The following CCDC60 variants were observed in gnomAD, a reference collection of about 807,000 sequenced individuals.
The protein encoded by CCDC60 is coiled-coil domain-containing protein 60.
Under a neutral mutation model 63.5 loss-of-function variants are expected in CCDC60, and 54 were observed. The ratio of observed to expected loss-of-function variants is 0.85; its 90% CI spans 0.68 to 1.07. The LOEUF (loss-of-function observed/expected upper bound fraction) is 1.07, where lower values mean the gene tolerates loss of function less well. Among genes scored for constraint, CCDC60 ranks in the 50% least tolerant of loss-of-function variants. CCDC60 has a pLI of 0.00. For missense variants in CCDC60, 651 were observed against 684.3 expected, an observed-to-expected ratio of 0.95 and a Z score of 0.54; for synonymous variants, 206 against 238.8, an observed-to-expected ratio of 0.86 and a Z score of 1.27.
At chr12:119,462,895 C>T (rs1247555607) in intron 2 of CCDC60, among the ~76,000 whole-genome samples, 1 of 152,014 alleles carries the variant, frequency 6.6e-6, no homozygotes, top group Non-Finnish European at 1.5e-5. Flanking sequence ...GCGATGTCAG[C>T]TCTCTACAAC....
chr12:119,412,261 C>T (rs1273009260), intron 1 of CCDC60, among the ~76,000 whole-genome samples: 2 of 151,156 alleles, frequency 1.3e-5, no homozygotes, highest in African/African-American at 4.9e-5. Context: ...TCTGCTTCTG[C>T]TCTTCACATT....
chr12:119,424,939 TC>T (rs1319149715), intron 1 of CCDC60, among the ~76,000 whole-genome samples: 26 of 152,140 alleles, frequency 1.7e-4, no homozygotes, highest in Admixed American at 6.5e-5. Flanking sequence ...TCAGTACCAA[TC>T]CCAGTCAATA....
At chr12:119,487,298 T>A (rs1400152935) in intron 4 of CCDC60, among the ~76,000 whole-genome samples, 16 of 126,924 alleles carry the variant, frequency 1.3e-4, no homozygotes, top group Non-Finnish European at 2.4e-4. Flanking sequence ...TGTTGTGAGC[T>A]TTTTTTTTTT....
At chr12:119,518,982 T>A (rs992129316) in intron 8 of CCDC60, among the ~76,000 whole-genome samples, 2 of 152,220 alleles carry the variant, frequency 1.3e-5, no homozygotes, top group Non-Finnish European at 2.9e-5. Context: ...GAAGTTTCCC[T>A]TCCTCATTAA....
chr12:119,514,212 T>C lies in CCDC60; in HGVS notation c.884-2411T>C, dbSNP rs149642769. Among the ~76,000 whole-genome samples, 1,162 of 152,164 alleles carry C rather than the reference T, an allele frequency of 7.6e-3. 11 individuals are homozygous for C. The highest frequency in any genetic ancestry group is 0.026 in the African/African-American group (1,097 of 41,534). ...TTTTCCTGAGACAAAGTTTCGCTCA[T>C]GTTGCCCAGGCTGGAGTGCAGTGGC... On this transcript the variant is annotated intron_variant, in intron 7 of 13. Coordinates refer to ENST00000327554, the MANE Select transcript of CCDC60 (RefSeq NM_178499.5).
chr12:119,377,826 G>A (rs763608947), intron 1 of CCDC60, among the ~76,000 whole-genome samples: 7 of 152,162 alleles, frequency 4.6e-5, no homozygotes, highest in Non-Finnish European at 7.3e-5. Flanking sequence ...AAGTGCTTGC[G>A]GTATGCCAGG....
intron 1 of CCDC60, among the ~76,000 whole-genome samples, chr12:119,421,195 C>T (rs1388042175): frequency 6.6e-6 from 1 of 152,170 alleles, no homozygotes; most frequent in Non-Finnish European, 1.5e-5. Context: ...AACATTCTTT[C>T]ATAAAACACA....
intron 1 of CCDC60, among the ~76,000 whole-genome samples, chr12:119,372,407 C>T (rs1955906665): frequency 6.6e-6 from 1 of 152,192 alleles, no homozygotes; most frequent in Non-Finnish European, 1.5e-5. Flanking sequence ...GTCAATCTTT[C>T]AAGAGACTGT....
intron 1 of CCDC60, among the ~76,000 whole-genome samples, chr12:119,364,780 C>T (rs147688396): frequency 6.6e-6 from 1 of 152,332 alleles, no homozygotes; most frequent in African/African-American, 2.4e-5. Context: ...TGGACAACCG[C>T]AAGCATGATG....
chr12:119,516,806 G>A (rs1566056961), intron 8 of CCDC60, 99 bp downstream of exon 8: 3 of 735,684 alleles, frequency 4.1e-6, no homozygotes, highest in East Asian at 2.7e-5. Flanking sequence ...TCTGTGACAG[G>A]CACTGAGCTG....
intron 5 of CCDC60, among the ~76,000 whole-genome samples, chr12:119,494,411 C>T (rs1020097569): frequency 1.3e-5 from 2 of 152,164 alleles, no homozygotes; most frequent in Non-Finnish European, 2.9e-5. Context: ...CTGTGCTTTC[C>T]CCTGGTGCCA....
chr12:119,461,778 G>A (rs1950860898), intron 2 of CCDC60, among the ~76,000 whole-genome samples: 2 of 152,288 alleles, frequency 1.3e-5, no homozygotes, highest in South Asian at 4.1e-4. Context: ...GGATTTAAAG[G>A]CGAAAACTGC....
chr12:119,506,844 G>A (rs757735308), intron 7 of CCDC60, among the ~76,000 whole-genome samples: 2 of 152,108 alleles, frequency 1.3e-5, no homozygotes, highest in Non-Finnish European at 2.9e-5. Flanking sequence ...GCTTGAGCTT[G>A]TATAGTAAAA....
intron 1 of CCDC60, chr12:119,402,402 C>T (rs1176708093): frequency 1.3e-5 from 2 of 152,164 alleles, no homozygotes; most frequent in African/African-American, 4.8e-5. Flanking sequence ...GGAAAATTCT[C>T]CAGCTTCTCT....
chr12:119,479,533 A>G (rs2136345620), intron 4 of CCDC60: 2 of 235,634 alleles, frequency 8.5e-6, no homozygotes, highest in South Asian at 6.9e-5. Context: ...GCTCAGGGGC[A>G]TGTTTTCCCC....
Position 119,467,919 on chromosome 12 carries a change from T to C in CCDC60, c.171-4075T>C, listed in dbSNP as rs533244930. On this transcript the variant is annotated intron_variant, in intron 2 of 13. Coordinates refer to ENST00000327554, the MANE Select transcript of CCDC60 (RefSeq NM_178499.5). ...GAAGCTTGAAAGCAAAATGGAAGCA[T>C]ATTTTTGTTTCAAACATGAATTCCA... 2.6e-5 allele frequency among the ~76,000 whole-genome samples: 4 copies of C among 152,280 alleles called. No homozygotes were observed. In the South Asian group the frequency reaches 6.2e-4, roughly 24 times the overall value.
chr12:119,437,579 G>C (rs904236078), intron 2 of CCDC60, among the ~76,000 whole-genome samples: 1 of 152,160 alleles, frequency 6.6e-6, no homozygotes, highest in African/African-American at 2.4e-5. Flanking sequence ...TATGAATGAG[G>C]CTGCTTTTAA....
At position 119,505,138 on chromosome 12, in the gene CCDC60, A is replaced by G. The variant is rs1242509511; in HGVS notation, c.718A>G (p.Ser240Gly). 1.2e-6 allele frequency: 2 copies of G among 1,613,802 alleles called. No individual in the cohort carries two copies. The highest frequency in any genetic ancestry group is 1.7e-6 in the Non-Finnish European group (2 of 1,179,898). Residue 240 changes from serine to glycine, a missense_variant, in exon 7 of 14, where the codon AGT becomes GGT. Ser to Gly is a moderately conservative substitution (Grantham distance 56). Coordinates refer to ENST00000327554, the MANE Select transcript of CCDC60 (RefSeq NM_178499.5). ...ACCAAGCCGGCGAGGCTCCACACTC[A>G]GTCTGAGTCGGGCCAGTGGGGGGTC... is the stretch of plus-strand genomic sequence containing the variant. ...RKPSRRGSTL[S>G]LSRASGGSSP...
chr12:119,405,867 C>A (rs1468284517), intron 1 of CCDC60, among the ~76,000 whole-genome samples: 1 of 148,914 alleles, frequency 6.7e-6, no homozygotes, highest in Admixed American at 6.7e-5. Context: ...GTGGTTAATT[C>A]TGTAATTAAA....
Sources: gnomAD v4.1 joint callset for allele counts (sites outside exome capture counted in the v4.1 genomes callset) on GRCh38, gnomAD v4.1.1 for gene constraint, MANE v1.5 for transcripts, NCBI Gene and HGNC (gene_info 2026-07-23, HGNC 2026-07-21) for gene names.